The following SDK2 variants were observed in gnomAD, a reference collection of about 807,000 sequenced individuals.
SDK2 encodes the protein protein sidekick-2.
In SDK2, 105 loss-of-function variants were observed where a neutral mutation model predicts 253.9. That is an observed-to-expected ratio of 0.41 (90% CI 0.35 to 0.49). The LOEUF is 0.49. Ranked by LOEUF, SDK2 falls within the 20% of genes least tolerant of loss-of-function variation. SDK2 has a pLI of 0.06. For missense variants in SDK2, 2,608 were observed against 3,003.0 expected (o/e 0.87, Z 3.07); for synonymous variants, 1,249 against 1,234.9 (o/e 1.01, Z -0.24).
At chr17:73,421,601 A>G (rs1265820243) in intron 15 of SDK2, among the ~76,000 whole-genome samples, 1 of 114,020 alleles carries the variant, frequency 8.8e-6, no homozygotes, top group Non-Finnish European at 1.7e-5. Context: ...TTTTTGAGAC[A>G]GTCTTGCTCT....
intron 2 of SDK2, among the ~76,000 whole-genome samples, chr17:73,489,891 C>CA (rs1417577826): frequency 6.6e-6 from 1 of 152,212 alleles, no homozygotes; most frequent in East Asian, 1.9e-4. Context: ...ACAACAAAAG[C>CA]AAAAAATCTG....
At position 73,507,596 on chromosome 17, in the gene SDK2, A is replaced by G; in HGVS notation, c.66T>C (p.Asp22=). The change falls in exon 2 of 45, where the codon GAT becomes GAC. Residue 22 remains aspartate (D), a splice_region_variant and synonymous_variant. Transcript: ENST00000392650. ...LHQIRAARAQ[D]DVSPYFKTEP... is the part of the protein sequence containing the mutation. ...CTGTCTTGAAATACGGGGACACATC[A>G]TCTGCAGAAACAGGGAGACAAAGCC... 6.4e-7 allele frequency: 1 copy of G among 1,550,948 alleles called. No individual in the cohort carries two copies. The highest frequency in any genetic ancestry group is 8.7e-7 in the Non-Finnish European group (1 of 1,146,574).
rs1457434793 is a variant in SDK2 at position 73,467,179 on chromosome 17, A to G, written c.331+4933T>C. 6.6e-6 allele frequency among the ~76,000 whole-genome samples: 1 copy of G among 152,044 alleles called. No homozygotes were observed. The highest frequency in any genetic ancestry group is 1.5e-5 in the Non-Finnish European group (1 of 68,002). On this transcript the variant is annotated intron_variant, in intron 3 of 44. Coordinates refer to ENST00000392650, the MANE Select transcript of SDK2 (RefSeq NM_001144952.2). The surrounding 1 kb of genome is among the most constrained non-coding windows in gnomAD (Gnocchi z 4.1). ...TTGCAGAGCTGTTTGGACATGGATT[A>G]TTACAGCCCAGGGCTGTCCCTGATT...
chr17:73,513,151 A>T (rs1459086684), intron 1 of SDK2, among the ~76,000 whole-genome samples: 2 of 151,958 alleles, frequency 1.3e-5, no homozygotes, highest in Non-Finnish European at 2.9e-5. Flanking sequence ...GGAAAAAAAA[A>T]AACCCTCATA....
At chr17:73,424,577 G>T (rs932831973) in intron 12 of SDK2, among the ~76,000 whole-genome samples, 1 of 152,210 alleles carries the variant, frequency 6.6e-6, no homozygotes, top group East Asian at 1.9e-4. Flanking sequence ...GCTTCGGTCA[G>T]TCAATACAAA....
At chr17:73,594,263 T>C (rs954485237) in intron 1 of SDK2, among the ~76,000 whole-genome samples, 13 of 152,114 alleles carry the variant, frequency 8.5e-5, no homozygotes, top group African/African-American at 3.1e-4. Flanking sequence ...CCCTCGACCC[T>C]TGACCCCCTC....
rs949522044 is a variant in SDK2 at position 73,462,449 on chromosome 17, TAC to T, written c.332-6398_332-6397del. On this transcript the variant is annotated intron_variant, in intron 3 of 44. Coordinates refer to ENST00000392650, the MANE Select transcript of SDK2 (RefSeq NM_001144952.2). ...CATTTGGTGGGATGGTATATATATATACACACACACATACATGTTTATATGTA... is the reference window on the plus strand; with the variant it reads ...CATTTGGTGGGATGGTATATATATATACACACACATACATGTTTATATGTA... 3.5e-3 allele frequency among the ~76,000 whole-genome samples: 31 copies of T among 8,798 alleles called. No individual in the cohort carries two copies. In the Non-Finnish European group the frequency reaches 0.052, roughly 15 times the overall value. 5.8% of individuals were successfully genotyped at this position (8,798 alleles called of 152,430 possible). A position where few individuals can be genotyped will look rare whatever the true frequency, so the allele number is the denominator to read the frequency against.
intron 1 of SDK2, among the ~76,000 whole-genome samples, chr17:73,588,198 C>A (rs775685881): frequency 1.8e-5 from 1 of 54,898 alleles, no homozygotes; most frequent in East Asian, 2.6e-4. Context: ...CATGGAGAGA[C>A]CCCCCCCCCT....
intron 3 of SDK2, among the ~76,000 whole-genome samples, chr17:73,457,594 G>A (rs1251782018): frequency 6.6e-6 from 1 of 151,622 alleles, no homozygotes; most frequent in Non-Finnish European, 1.5e-5. Context: ...AAAGTGATCC[G>A]CCCGCCTCGG....
Position 73,423,420 on chromosome 17 carries a change from G to A in SDK2, c.1863C>T (p.Pro621=). 6.4e-7 allele frequency: 1 copy of A among 1,564,356 alleles called. No homozygotes were observed. The highest frequency in any genetic ancestry group is 8.7e-7 in the Non-Finnish European group (1 of 1,152,882). The change falls in exon 14 of 45, where the codon CCC becomes CCT. Residue 621 remains proline, a synonymous_variant. Transcript: ENST00000392650. ...ACATCTCCAGAATGTAGCGGATCAG[G>A]GGGCTGTTGCCATCAAAGGGCTTGG... ...TWTKPFDGNS[P]LIRYILEMSE... is the part of the protein sequence containing the mutation.
At chr17:73,416,925 T>C (rs182180334) in intron 16 of SDK2, among the ~76,000 whole-genome samples, 12 of 152,234 alleles carry the variant, frequency 7.9e-5, no homozygotes, top group African/African-American at 2.6e-4. Context: ...CAGAAAAAGT[T>C]TTAGAGATTT....
At chr17:73,422,577 T>C (rs1453040051) in intron 14 of SDK2, 143 bp from the exon 15 acceptor site, 2 of 938,428 alleles carry the variant, frequency 2.1e-6, no homozygotes, top group Non-Finnish European at 3.2e-6. Context: ...TGGCCCGCCA[T>C]GCCATTTTTC....
At chr17:73,412,162 G>GCA (rs2063143881) in intron 18 of SDK2, among the ~76,000 whole-genome samples, 3 of 142,550 alleles carry the variant, frequency 2.1e-5, no homozygotes, top group South Asian at 2.1e-4. Context: ...ACGTATATAT[G>GCA]TATATACACA....
chr17:73,561,575 A>T (rs1392539289), intron 1 of SDK2, among the ~76,000 whole-genome samples: 1 of 152,178 alleles, frequency 6.6e-6, no homozygotes, highest in East Asian at 1.9e-4. Flanking sequence ...GGCACTGGGG[A>T]TCACTATGTC....
At chr17:73,490,850 A>C (rs1340643185) in intron 2 of SDK2, among the ~76,000 whole-genome samples, 2 of 152,086 alleles carry the variant, frequency 1.3e-5, no homozygotes, top group South Asian at 2.1e-4. Flanking sequence ...TAAGCATTTC[A>C]CATGTGATAA....
intron 1 of SDK2, among the ~76,000 whole-genome samples, chr17:73,558,425 G>A (rs2045177718): frequency 6.6e-6 from 1 of 151,754 alleles, no homozygotes; most frequent in South Asian, 2.1e-4. Flanking sequence ...AGGGAAGGAG[G>A]GAGGGAGGAA....
chr17:73,339,545 TTC>T (rs1279225357), intron 44 of SDK2, among the ~76,000 whole-genome samples: 7 of 152,132 alleles, frequency 4.6e-5, no homozygotes, highest in African/African-American at 1.7e-4. Flanking sequence ...TTCCTTTTTA[TTC>T]TTTTTTTTGG....
rs775254182 is a variant in SDK2, at chr17:73,361,150, G to A, written c.5467+534C>T. Among the ~76,000 whole-genome samples the A allele has an allele frequency of 1.3e-5, 2 of 152,048 alleles. No individual in the cohort carries two copies. Among genetic ancestry groups the A allele is most frequent in the African/African-American group, 2.4e-5 (1 of 41,406 alleles). On this transcript the variant is annotated intron_variant, in intron 39 of 44. Coordinates refer to ENST00000392650, the MANE Select transcript of SDK2 (RefSeq NM_001144952.2). The surrounding 1 kb of genome is among the most constrained non-coding windows in gnomAD (Gnocchi z 4.1). ...TGCCACTTTGTCACGGCCTCCAGGG[G>A]CTTTTGTCTAAGTGCAGACTGCCAG...
At chr17:73,605,878 C>T (rs1339924457) in intron 1 of SDK2, among the ~76,000 whole-genome samples, 1 of 152,140 alleles carries the variant, frequency 6.6e-6, no homozygotes, top group Admixed American at 6.5e-5. Context: ...GACTCAGCCT[C>T]CTGCTCTTCA....
Sources: allele counts gnomAD v4.1 joint callset (sites outside exome capture counted in the v4.1 genomes callset), GRCh38; gene constraint gnomAD v4.1.1; non-coding constraint Gnocchi (gnomAD v3.1); transcripts MANE v1.5; gene names NCBI Gene and HGNC (gene_info 2026-07-23, HGNC 2026-07-21).